Variants in ASIC2 observed in about 807,000 individuals in gnomAD.
ASIC2 encodes acid-sensing ion channel 2.
ASIC2 carries 25 observed loss-of-function variants against 57.3 expected under a neutral mutation model. The observed-to-expected ratio is 0.44, with a 90% confidence interval of 0.32 to 0.61. The LOEUF (loss-of-function observed/expected upper bound fraction) is 0.61, where lower values mean the gene tolerates loss of function less well. ASIC2 is among the 20% of genes least tolerant of loss of function. ASIC2 has a pLI of 0.06. For missense variants in ASIC2, 641 were observed against 738.1 expected (o/e 0.87, Z 1.52); for synonymous variants, 319 against 307.5 (o/e 1.04, Z -0.39).
intron 1 of ASIC2, among the ~76,000 whole-genome samples, chr17:34,128,119 A>G (rs116662513): frequency 1.2e-3 from 186 of 152,290 alleles, no homozygotes; most frequent in African/African-American, 4.2e-3. Context: ...TGAAGAAAAG[A>G]AGGAGGTAGA....
At chr17:33,426,107 G>A (rs1911211567) in intron 1 of ASIC2, among the ~76,000 whole-genome samples, 1 of 152,180 alleles carries the variant, frequency 6.6e-6, no homozygotes. Flanking sequence ...GGGTTGTTGA[G>A]GCTGTTGTTG....
At chr17:33,977,618 T>G (rs1261210000) in intron 1 of ASIC2, among the ~76,000 whole-genome samples, 1 of 152,216 alleles carries the variant, frequency 6.6e-6, no homozygotes, top group Non-Finnish European at 1.5e-5. Context: ...CATTTTTCTG[T>G]AGGATTTTCC....
chr17:34,064,941 C>A (rs1237341931), intron 1 of ASIC2, among the ~76,000 whole-genome samples: 1 of 152,134 alleles, frequency 6.6e-6, no homozygotes, highest in Non-Finnish European at 1.5e-5. Context: ...GGAATGTAAA[C>A]TAGTACAGCC....
chr17:33,791,197 C>G (rs1370036476), intron 1 of ASIC2, among the ~76,000 whole-genome samples: 1 of 152,152 alleles, frequency 6.6e-6, no homozygotes, highest in African/African-American at 2.4e-5. Flanking sequence ...CATAGTCACT[C>G]TGTGTGGAAG....
intron 1 of ASIC2, among the ~76,000 whole-genome samples, chr17:33,811,494 G>A (rs1219757510): frequency 6.6e-6 from 1 of 152,112 alleles, no homozygotes; most frequent in East Asian, 1.9e-4. Context: ...CTAATATTAA[G>A]CCCCTATTAG....
At chr17:33,140,237 C>T (rs1005238655) in intron 1 of ASIC2, among the ~76,000 whole-genome samples, 3 of 152,210 alleles carry the variant, frequency 2.0e-5, no homozygotes, top group Non-Finnish European at 2.9e-5. Flanking sequence ...CCACCTCTCC[C>T]TTTGGCTGCT....
chr17:33,634,509 T>C (rs1467458343), intron 1 of ASIC2, among the ~76,000 whole-genome samples: 1 of 141,408 alleles, frequency 7.1e-6, no homozygotes, highest in African/African-American at 2.7e-5. Flanking sequence ...GAAAAACTTT[T>C]TTTTCTTTTT....
At chr17:33,475,919 T>A (rs1486628897) in intron 1 of ASIC2, among the ~76,000 whole-genome samples, 1 of 152,122 alleles carries the variant, frequency 6.6e-6, no homozygotes, top group East Asian at 1.9e-4. Flanking sequence ...TTTGATCCAT[T>A]CTCCACGTCT....
Position 33,291,624 on chromosome 17 carries a change from G to A in ASIC2, c.492C>T (p.Asn164=). 2 of 1,608,936 alleles carry A rather than the reference G, an allele frequency of 1.2e-6. No homozygotes were observed. Among genetic ancestry groups the A allele is most frequent in the Non-Finnish European group, 1.7e-6 (2 of 1,178,196 alleles). ...CGCTGACAAGCGGGCGCGCGGTGCG[G>A]TTGGGCAGCAGCAGCCCGAGCCAGT... ...AGHWLGLLLP[N]RTARPLVSEL... The change falls in exon 1 of 10, where the codon AAC becomes AAT. Residue 164 remains asparagine, a synonymous_variant. Transcript: ENST00000225823.
intron 1 of ASIC2, among the ~76,000 whole-genome samples, chr17:33,798,992 T>A (rs1275339722): frequency 6.6e-6 from 1 of 152,200 alleles, no homozygotes; most frequent in Admixed American, 6.5e-5. Flanking sequence ...CATCTCTGTG[T>A]CCCTGGAGCT....
intron 1 of ASIC2, among the ~76,000 whole-genome samples, chr17:34,087,675 A>G (rs1910162016): frequency 6.6e-6 from 1 of 151,986 alleles, no homozygotes; most frequent in South Asian, 2.1e-4. Flanking sequence ...TTTCAGGTAC[A>G]CCAATCAGAC....
Position 34,032,120 on chromosome 17 carries a change from A to G in ASIC2, c.555+123858T>C, listed in dbSNP as rs149001222. Among the ~76,000 whole-genome samples, 930 of 152,316 alleles carry G rather than the reference A, an allele frequency of 6.1e-3. 11 individuals carry two copies. The highest frequency in any genetic ancestry group is 0.02 in the African/African-American group (842 of 41,554). The stretch of plus-strand genomic sequence containing the variant: ...ATCAGGGTAGCCAGAGAGAAAGGTC[A>G]GGTTACCCACAAAGGGAAACCCATC... On this transcript the variant is annotated intron_variant, in intron 1 of 9. Transcript: ENST00000359872.
At chr17:34,072,286 T>G (rs967904096) in intron 1 of ASIC2, 2 of 152,318 alleles carry the variant, frequency 1.3e-5, no homozygotes, top group African/African-American at 4.8e-5. Context: ...GGCTCCCAGA[T>G]GGTCCCCATT....
chr17:33,682,252 A>T (rs548075966), intron 1 of ASIC2, among the ~76,000 whole-genome samples: 6 of 150,542 alleles, frequency 4.0e-5, no homozygotes, highest in African/African-American at 1.5e-4. Context: ...TTTTTAGTAG[A>T]GACGGGGTTT....
chr17:33,744,752 A>G (rs1455093699), intron 1 of ASIC2, among the ~76,000 whole-genome samples: 1 of 152,254 alleles, frequency 6.6e-6, no homozygotes, highest in African/African-American at 2.4e-5. Context: ...CAAAGACATC[A>G]AAGTAGACAT....
chr17:33,393,392 C>T (rs565945386), intron 1 of ASIC2, among the ~76,000 whole-genome samples: 2 of 152,072 alleles, frequency 1.3e-5, no homozygotes, highest in Non-Finnish European at 2.9e-5. Flanking sequence ...TCTTCCTTCT[C>T]CCGCCCACAT....
At chr17:33,600,662 A>T (rs1446246712) in intron 1 of ASIC2, among the ~76,000 whole-genome samples, 2 of 152,182 alleles carry the variant, frequency 1.3e-5, no homozygotes, top group Non-Finnish European at 2.9e-5. Flanking sequence ...GATGACCTTG[A>T]GTGCTAGGAT....
intron 1 of ASIC2, among the ~76,000 whole-genome samples, chr17:33,129,599 G>A (rs2092337235): frequency 6.6e-6 from 1 of 152,236 alleles, no homozygotes; most frequent in South Asian, 2.1e-4. Flanking sequence ...GGTTACAAAG[G>A]TGTATCCCTT....
chr17:33,046,121 C>T (rs753310328), intron 3 of ASIC2, among the ~76,000 whole-genome samples: 1 of 152,182 alleles, frequency 6.6e-6, no homozygotes, highest in South Asian at 2.1e-4. Context: ...TCTTCAATTC[C>T]CATCATTCTA....
Sources: gnomAD v4.1 joint callset for allele counts (sites outside exome capture counted in the v4.1 genomes callset) on GRCh38, gnomAD v4.1.1 for gene constraint, MANE v1.5 for transcripts, NCBI Gene and HGNC (gene_info 2026-07-23, HGNC 2026-07-21) for gene names.